Variants in SYNE1 observed in about 807,000 individuals in gnomAD.
The protein encoded by SYNE1 is nesprin-1.
Under a neutral mutation model 1,111.0 loss-of-function variants are expected in SYNE1, and 616 were observed. That is an observed-to-expected ratio of 0.55 (90% confidence interval 0.52 to 0.59). The LOEUF is 0.59. Ranked by LOEUF, SYNE1 falls within the 20% of genes least tolerant of loss-of-function variation. The pLI is 0.00. For missense variants in SYNE1, 10,006 were observed against 10,417.0 expected (o/e 0.96, Z 1.72); for synonymous variants, 3,855 against 3,825.8 (o/e 1.01, Z -0.28).
Position 152,353,268 on chromosome 6 carries a change from A to T in SYNE1, c.11248T>A (p.Leu3750Met). The change falls in exon 69 of 146, where the codon TTG becomes ATG. Residue 3750 changes from leucine (L) to methionine (M), a missense_variant. Physicochemically the swap from Leu to Met is conservative, Grantham distance 15. Coordinates refer to ENST00000367255, the MANE Select transcript of SYNE1 (RefSeq NM_182961.4). ...TCTGAAGTATGCGTGCCTACCTCCA[A>T]CGTCTTCAATTTCTTCCCCATCATT... The part of the protein sequence containing the change: ...TVMMGKKLKT[L>M]EVLLKDMEKG... The T allele has an allele frequency of 6.2e-7, 1 of 1,614,170 alleles. No homozygotes were observed. The highest frequency in any genetic ancestry group is 1.3e-5 in the African/African-American group (1 of 75,034).
intron 24 of SYNE1, among the ~76,000 whole-genome samples, chr6:152,454,567 G>A (rs2098680343): frequency 6.6e-6 from 1 of 152,176 alleles, no homozygotes; most frequent in African/African-American, 2.4e-5. Flanking sequence ...CCCGTCTATG[G>A]CATTTTGCTC....
At chr6:152,231,270 T>G in intron 114 of SYNE1, 121 bp downstream of exon 114, 1 of 998,396 alleles carries the variant, frequency 1.0e-6, no homozygotes, top group Non-Finnish European at 1.6e-6. Context: ...TTCAGCGGTA[T>G]TATTGGAAGC....
chr6:152,302,680 A>C (rs545310154), intron 91 of SYNE1, among the ~76,000 whole-genome samples: 1 of 152,316 alleles, frequency 6.6e-6, no homozygotes, highest in African/African-American at 2.4e-5. Context: ...TTGTATATTC[A>C]TCAAATTTTT....
chr6:152,183,356 C>A (rs1462905191), intron 128 of SYNE1, among the ~76,000 whole-genome samples: 1 of 152,134 alleles, frequency 6.6e-6, no homozygotes, highest in Non-Finnish European at 1.5e-5. Context: ...GTGGCACATG[C>A]CTGTAATCCC....
intron 122 of SYNE1, among the ~76,000 whole-genome samples, chr6:152,214,465 G>A (rs1400837444): frequency 1.3e-5 from 2 of 152,102 alleles, no homozygotes; most frequent in Non-Finnish European, 2.9e-5. Context: ...TGATACATTG[G>A]TGCTATGGTG....
intron 105 of SYNE1, among the ~76,000 whole-genome samples, chr6:152,246,857 A>G (rs1052069147): frequency 1.3e-5 from 2 of 152,172 alleles, no homozygotes; most frequent in African/African-American, 4.8e-5. Flanking sequence ...AATGAAGAAA[A>G]AGCCTTGAAA....
chr6:152,131,203 A>G (rs1224966932), intron 144 of SYNE1, among the ~76,000 whole-genome samples: 1 of 152,134 alleles, frequency 6.6e-6, no homozygotes, highest in East Asian at 1.9e-4. Context: ...GCAATATGAG[A>G]TTGGTCTTTG....
chr6:152,236,164 G>T lies in SYNE1; in HGVS notation c.20339C>A (p.Thr6780Asn). 1 of 1,614,122 alleles carries T rather than the reference G, an allele frequency of 6.2e-7. No homozygotes were observed. Among genetic ancestry groups the T allele is most frequent in the Non-Finnish European group, 8.5e-7 (1 of 1,180,010 alleles). The change falls in exon 110 of 146, where the codon ACC becomes AAC. Residue 6780 changes from threonine to asparagine, a missense_variant. By Grantham distance (65) the Thr-to-Asn change is moderately conservative. This residue lies in a region of SYNE1 where 2,182 missense variants were observed against 2,287.8 expected (regional missense o/e 0.95). Transcript: ENST00000367255. The part of the protein sequence containing the change: ...NQLGECWLSN[T>N]NKMSKELHRL... ...GTGAAGTTCCTTAGACATTTTATTG[G>T]TGTTACTTAGCCAGCACTCTCCAAG...
intron 140 of SYNE1, among the ~76,000 whole-genome samples, chr6:152,138,352 A>G (rs2813568): frequency 0.36 from 54,068 of 151,630 alleles, 10,606 homozygotes; most frequent in African/African-American, 0.51. Flanking sequence ...CTCTACTAAA[A>G]ATACAATAAA....
chr6:152,343,970 T>C, intron 74 of SYNE1, 111 bp downstream of exon 74: 1 of 1,487,662 alleles, frequency 6.7e-7, no homozygotes, highest in Non-Finnish European at 9.3e-7. Flanking sequence ...TCTTCCTACT[T>C]TTAGATTCCC....
At chr6:152,189,997 T>A (rs758743550) in intron 127 of SYNE1, among the ~76,000 whole-genome samples, 1 of 152,238 alleles carries the variant, frequency 6.6e-6, no homozygotes, top group African/African-American at 2.4e-5. Context: ...ATTTGAGTCA[T>A]CCTCTCAAAC....
At chr6:152,452,467 A>G (rs989407022) in intron 25 of SYNE1, among the ~76,000 whole-genome samples, 2 of 152,198 alleles carry the variant, frequency 1.3e-5, no homozygotes, top group African/African-American at 4.8e-5. Flanking sequence ...TAATATAGCA[A>G]GTAAAAAGGA....
rs1444678150 is a variant in SYNE1, at chr6:152,329,805, A to T, written c.14880T>A (p.Ser4960=). Residue 4960 remains serine (S), a synonymous_variant, in exon 78 of 146, where the codon TCT becomes TCA. Transcript: ENST00000367255. Reference sequence around the variant, plus strand: ...CAGCGAGGCTGTGTTCTAAATCCGCAGAAATCAGCTCCTTGGCCTTTGTGA... The same window carrying T: ...CAGCGAGGCTGTGTTCTAAATCCGCTGAAATCAGCTCCTTGGCCTTTGTGA... ...EKFTKAKELI[S]ADLEHSLAEL... 1.2e-6 allele frequency: 2 copies of T among 1,614,236 alleles called. No homozygotes were observed. The highest frequency in any genetic ancestry group is 1.7e-6 in the Non-Finnish European group (2 of 1,180,046).
chr6:152,291,734 G>A (rs909729022), intron 95 of SYNE1, among the ~76,000 whole-genome samples: 1 of 152,140 alleles, frequency 6.6e-6, no homozygotes, highest in Non-Finnish European at 1.5e-5. Context: ...GCAGCCTCCT[G>A]GGCCACAAGA....
intron 3 of SYNE1, among the ~76,000 whole-genome samples, chr6:152,559,468 A>G (rs7738912): frequency 0.12 from 17,783 of 152,140 alleles, 1,860 homozygotes; most frequent in African/African-American, 0.28. Context: ...ACATAAAACA[A>G]GAGATCAGTA....
At position 152,198,207 on chromosome 6, in the gene SYNE1, G is replaced by A. The variant is rs116833670; in HGVS notation, c.23145+3617C>T. ...TCACCTTGCACTTTTATGTTATGGAGATGGTTTGTTTCCTTAAAACTCATG... is the reference window on the plus strand; with the variant it reads ...TCACCTTGCACTTTTATGTTATGGAAATGGTTTGTTTCCTTAAAACTCATG... On this transcript the variant is annotated intron_variant, in intron 127 of 145. Transcript: ENST00000367255. Among the ~76,000 whole-genome samples, 970 of 152,282 alleles carry A rather than the reference G, an allele frequency of 6.4e-3. 12 individuals carry two copies. The highest frequency in any genetic ancestry group is 0.022 in the African/African-American group (915 of 41,556).
At chr6:152,413,581 G>C (rs2098104943) in intron 41 of SYNE1, 50 bp from the exon 42 acceptor site, 2 of 1,563,396 alleles carry the variant, frequency 1.3e-6, no homozygotes, top group South Asian at 2.2e-5. Context: ...GGTAGTAAAT[G>C]AATATTTCTT....
intron 63 of SYNE1, among the ~76,000 whole-genome samples, chr6:152,363,323 T>C (rs1174420037): frequency 3.4e-5 from 5 of 148,718 alleles, no homozygotes; most frequent in Non-Finnish European, 7.5e-5. Flanking sequence ...TGAAACCCCG[T>C]CTCTACTAAA....
At chr6:152,293,038 C>T (rs10485256) in intron 95 of SYNE1, among the ~76,000 whole-genome samples, 22,573 of 152,178 alleles carry the variant, frequency 0.15, 2,123 homozygotes, top group South Asian at 0.26. Context: ...ATGTAATGAT[C>T]TCTGTTTTTC....
Sources: allele counts gnomAD v4.1 joint callset (sites outside exome capture counted in the v4.1 genomes callset), GRCh38; gene constraint gnomAD v4.1.1; regional missense constraint gnomAD v4.1.1; transcripts MANE v1.5; gene names NCBI Gene and HGNC (gene_info 2026-07-23, HGNC 2026-07-21).